PADI4: variants seen among roughly 807,000 people sequenced by gnomAD.
The protein encoded by PADI4 is protein-arginine deiminase type-4.
In PADI4, 62 loss-of-function variants were observed where a neutral mutation model predicts 75.0. The observed-to-expected ratio is 0.83, with a 90% CI of 0.67 to 1.02. The LOEUF (loss-of-function observed/expected upper bound fraction) is 1.02. Among genes scored for constraint, PADI4 ranks in the 50% least tolerant of loss-of-function variants. The pLI, the probability that PADI4 is intolerant of heterozygous loss-of-function variation, is 0.00. For missense variants in PADI4, 845 were observed against 850.5 expected (o/e 0.99, Z 0.08); for synonymous variants, 361 against 348.1 (o/e 1.04, Z -0.41).
chr1:17,336,923 G>A (rs115537632), intron 4 of PADI4, among the ~76,000 whole-genome samples: 3 of 152,196 alleles, frequency 2.0e-5, no homozygotes, highest in Admixed American at 6.5e-5. Flanking sequence ...ACGCTCTCCC[G>A]CGAAGGGAGG....
At position 17,356,255 on chromosome 1, in the gene PADI4, G is replaced by C. The variant is rs555080599; in HGVS notation, c.1456-102G>C. On this transcript the variant is annotated intron_variant, in intron 12 of 15. Transcript: ENST00000375448. This position sits in a 1 kb window ranked among gnomAD's most constrained non-coding sequence, Gnocchi z 4.1. ...AGGATGGCAGTAGAGGAGGTGGCCAGCTTGGGTCCAAGTCCACACTACTCC... is the reference window on the plus strand; with the variant it reads ...AGGATGGCAGTAGAGGAGGTGGCCACCTTGGGTCCAAGTCCACACTACTCC... The C allele has an allele frequency of 1.5e-6, 2 of 1,308,690 alleles. No homozygotes were observed. Among genetic ancestry groups the C allele is most frequent in the African/African-American group, 2.9e-5 (2 of 68,106 alleles). 81.1% of individuals were successfully genotyped at this position (1,308,690 alleles called of 1,614,324 possible). A position where few individuals can be genotyped will look rare whatever the true frequency, so the allele number is the denominator to read the frequency against.
chr1:17,325,507 TTTTA>T (rs2074103817), intron 1 of PADI4, among the ~76,000 whole-genome samples: 1 of 152,142 alleles, frequency 6.6e-6, no homozygotes, highest in Non-Finnish European at 1.5e-5. Flanking sequence ...ACTTTTGTCT[TTTTA>T]TTTATTTTTA....
chr1:17,353,210 T>C (rs1048017710), intron 10 of PADI4, among the ~76,000 whole-genome samples: 1 of 151,730 alleles, frequency 6.6e-6, no homozygotes, highest in Non-Finnish European at 1.5e-5. Context: ...ACACCTATAA[T>C]CCCAACACTC....
intron 7 of PADI4, 62 bp from the exon 8 acceptor site, chr1:17,342,237 G>C: frequency 1.4e-6 from 2 of 1,403,624 alleles, no homozygotes; most frequent in South Asian, 2.3e-5. Context: ...TGCAGGAAGT[G>C]GTAGGTGCTG....
chr1:17,361,012 C>T (rs2074840836), intron 15 of PADI4, among the ~76,000 whole-genome samples: 1 of 152,220 alleles, frequency 6.6e-6, no homozygotes, highest in East Asian at 1.9e-4. Context: ...GAGACCGAGG[C>T]AGAGACTTCA....
intron 10 of PADI4, among the ~76,000 whole-genome samples, chr1:17,349,722 GAA>G (rs1557573605): frequency 2.7e-5 from 2 of 73,092 alleles, no homozygotes; most frequent in Non-Finnish European, 7.0e-5. Context: ...AAAAAAGAAA[GAA>G]AAAGAAAAAA....
At chr1:17,344,213 T>G (rs984084956) in intron 8 of PADI4, among the ~76,000 whole-genome samples, 5 of 152,162 alleles carry the variant, frequency 3.3e-5, no homozygotes, top group African/African-American at 1.2e-4. Flanking sequence ...TAGAGATTTG[T>G]GGAACTTTGA....
At chr1:17,310,865 G>A (rs1437184086) in intron 1 of PADI4, among the ~76,000 whole-genome samples, 1 of 152,166 alleles carries the variant, frequency 6.6e-6, no homozygotes, top group African/African-American at 2.4e-5. Context: ...TTGGGAGGCC[G>A]AGGCAGGCGG....
At chr1:17,316,620 G>GT (rs552841340) in intron 1 of PADI4, among the ~76,000 whole-genome samples, 50 of 151,854 alleles carry the variant, frequency 3.3e-4, no homozygotes, top group Non-Finnish European at 6.5e-4. Flanking sequence ...AACCTGGGAG[G>GT]TGGAGCTTGC....
At position 17,354,563 on chromosome 1, in the gene PADI4, C is replaced by A. The variant is rs940162849; in HGVS notation, c.1186C>A (p.Pro396Thr). The part of the protein sequence containing the change: ...GPDFGYVTRG[P>T]QTGGISGLDS... ...AGATTTTGGCTATGTAACTCGAGGG[C>A]CCCAAACAGGGGGTATCAGTGGACT... is the stretch of plus-strand genomic sequence containing the variant. Residue 396 changes from proline to threonine, a missense_variant, in exon 11 of 16, where the codon CCC becomes ACC. Physicochemically the swap from Pro to Thr is conservative, Grantham distance 38. Transcript: ENST00000375448. The A allele has an allele frequency of 3.1e-6, 5 of 1,613,970 alleles. No homozygotes were observed. The highest frequency in any genetic ancestry group is 1.7e-5 in the Admixed American group (1 of 59,976).
At position 17,331,187 on chromosome 1, in the gene PADI4, C is replaced by T. The variant is rs201030805; in HGVS notation, c.273+38C>T. ...GCTGTGGGGTGGCAGTGTGGATGGG[C>T]TTCAGCAGGGCAGCCACACACACTC... On this transcript the variant is annotated intron_variant, in intron 2 of 15. Coordinates refer to ENST00000375448, the MANE Select transcript of PADI4 (RefSeq NM_012387.3). The T allele has an allele frequency of 1.7e-3, 2,701 of 1,557,622 alleles. 10 individuals carry two copies. The highest frequency in any genetic ancestry group is 1.1e-3 in the Non-Finnish European group (1,295 of 1,137,874).
intron 1 of PADI4, among the ~76,000 whole-genome samples, chr1:17,329,123 G>A (rs115189465): frequency 0.012 from 1,752 of 145,774 alleles, 36 homozygotes; most frequent in African/African-American, 0.041. Context: ...TTTTTTGTAC[G>A]AGTGCACGAT....
intron 15 of PADI4, among the ~76,000 whole-genome samples, chr1:17,363,311 T>TGGGGTCTCACCATGTTGCCCA (rs1553150524): frequency 1.2e-4 from 18 of 151,542 alleles, no homozygotes; most frequent in Admixed American, 1.1e-3. Context: ...TTTTTAGAGA[T>TGGGGTCTCACCATGTTGCCCA]GGGGTCTCAC....
chr1:17,311,429 G>A (rs546533410), intron 1 of PADI4, among the ~76,000 whole-genome samples: 3 of 152,274 alleles, frequency 2.0e-5, no homozygotes, highest in Admixed American at 6.5e-5. Flanking sequence ...AGGCCTAGAA[G>A]GGGTGGGGGT....
chr1:17,335,549 G>T (rs1042416872), intron 3 of PADI4, among the ~76,000 whole-genome samples: 1 of 152,204 alleles, frequency 6.6e-6, no homozygotes, highest in Non-Finnish European at 1.5e-5. Context: ...ATGCTGTGGG[G>T]CACACGGATC....
At chr1:17,343,573 C>T (rs2074461066) in intron 8 of PADI4, among the ~76,000 whole-genome samples, 1 of 152,128 alleles carries the variant, frequency 6.6e-6, no homozygotes, top group African/African-American at 2.4e-5. Flanking sequence ...GTGTCTCCAC[C>T]CAAATCTTAT....
intron 5 of PADI4, among the ~76,000 whole-genome samples, chr1:17,338,613 C>T (rs535798799): frequency 3.3e-5 from 5 of 152,288 alleles, no homozygotes; most frequent in South Asian, 4.1e-4. Flanking sequence ...AACCAAGGCA[C>T]GGGGAACTTA....
At chr1:17,318,170 C>T (rs564794833) in intron 1 of PADI4, among the ~76,000 whole-genome samples, 76 of 152,294 alleles carry the variant, frequency 5.0e-4, no homozygotes, top group African/African-American at 1.8e-3. Flanking sequence ...AAGCATTGGT[C>T]TTTAGGAAGT....
intron 10 of PADI4, among the ~76,000 whole-genome samples, chr1:17,351,964 C>T (rs66631178): frequency 0.01 from 816 of 77,786 alleles, 23 homozygotes; most frequent in Admixed American, 0.015. Flanking sequence ...GGAGGAGAGG[C>T]GGCCAGGGAG....
Sources: allele counts gnomAD v4.1 joint callset (sites outside exome capture counted in the v4.1 genomes callset), GRCh38; gene constraint gnomAD v4.1.1; non-coding constraint Gnocchi (gnomAD v3.1); transcripts MANE v1.5; gene names NCBI Gene and HGNC (gene_info 2026-07-23, HGNC 2026-07-21).